Variants in CEP55 observed in about 807,000 individuals in gnomAD.
CEP55 encodes centrosomal protein 55.
A neutral mutation model predicts 63.2 loss-of-function variants in CEP55; 57 were observed. The ratio of observed to expected loss-of-function variants is 0.90; its 90% CI spans 0.73 to 1.13. CEP55 has a LOEUF of 1.13. CEP55 is among the 50% of genes most tolerant of loss of function. The pLI, the probability that CEP55 is intolerant of heterozygous loss-of-function variation, is 0.00. For synonymous variants in CEP55, 178 were observed against 191.6 expected, an observed-to-expected ratio of 0.93 and a Z score of 0.59; for missense variants, 456 against 518.9, an observed-to-expected ratio of 0.88 and a Z score of 1.18.
chr10:93,515,299 C>A, intron 4 of CEP55, 106 bp from the exon 5 acceptor site: 1 of 974,884 alleles, frequency 1.0e-6, no homozygotes, highest in Non-Finnish European at 1.5e-6. Flanking sequence ...AGTCTATGAG[C>A]CATAGAGTTT....
Position 93,517,201 on chromosome 10 carries a change from G to A in CEP55, c.946G>A (p.Gly316Arg). ...KLREENDIARGKLEEEKKRSE... is the reference protein window; with the variant it reads ...KLREENDIARRKLEEEKKRSE... ...CAGGGAAGAGAATGATATTGCTAGG[G>A]GAAAACTTGAAGAAGAGAAGAAGAG... The change falls in exon 6 of 9, where the codon GGA becomes AGA. Residue 316 changes from glycine to arginine, a missense_variant. Transcript: ENST00000371485. 1 of 1,609,728 alleles carries A rather than the reference G, an allele frequency of 6.2e-7. No individual in the cohort carries two copies. The highest frequency in any genetic ancestry group is 1.1e-5 in the South Asian group (1 of 89,994).
At position 93,528,410 on chromosome 10, in the gene CEP55, G is replaced by T. The variant is rs1433583089; in HGVS notation, c.*257G>T. 1 of 464,274 alleles carries T rather than the reference G, an allele frequency of 2.2e-6. No individual in the cohort carries two copies. Among genetic ancestry groups the T allele is most frequent in the African/African-American group, 2.0e-5 (1 of 50,222 alleles). The allele number at this position is 464,274 out of a possible 1,614,324, so 28.8% of individuals were successfully genotyped here. On this transcript the variant is annotated 3_prime_UTR_variant, in exon 9 of 9. Coordinates refer to ENST00000371485, the MANE Select transcript of CEP55 (RefSeq NM_018131.5). Reference sequence around the variant, plus strand: ...CGTCTACTGAGACTACTAACATTTTGCACTGTCAAAATACTTGGTGAGGAA... The same window carrying T: ...CGTCTACTGAGACTACTAACATTTTTCACTGTCAAAATACTTGGTGAGGAA...
chr10:93,527,050 T>G (rs2134506437), intron 8 of CEP55, among the ~76,000 whole-genome samples: 1 of 149,590 alleles, frequency 6.7e-6, no homozygotes, highest in East Asian at 2.0e-4. Context: ...ACCTGCACAT[T>G]GTGCACATGT....
At chr10:93,509,934 G>C (rs1052433376) in intron 4 of CEP55, among the ~76,000 whole-genome samples, 2 of 152,116 alleles carry the variant, frequency 1.3e-5, no homozygotes, top group African/African-American at 2.4e-5. Flanking sequence ...ACCGACACTG[G>C]CACATTATTT....
intron 8 of CEP55, among the ~76,000 whole-genome samples, chr10:93,523,423 A>G (rs2057884835): frequency 6.6e-6 from 1 of 152,208 alleles, no homozygotes; most frequent in African/African-American, 2.4e-5. Context: ...ATACAGGAGC[A>G]CCCAGATTCA....
At chr10:93,499,299 G>A (rs2057606258) in intron 1 of CEP55, among the ~76,000 whole-genome samples, 1 of 152,122 alleles carries the variant, frequency 6.6e-6, no homozygotes, top group African/African-American at 2.4e-5. Context: ...CCTATGTTAA[G>A]TAATGACATT....
At chr10:93,512,151 C>T (rs566621243) in intron 4 of CEP55, among the ~76,000 whole-genome samples, 41 of 146,292 alleles carry the variant, frequency 2.8e-4, no homozygotes, top group African/African-American at 9.9e-4. Context: ...TGCTGGAACC[C>T]GGGAGGCAGA....
Position 93,518,952 on chromosome 10 carries a change from C to T in CEP55, c.1065+4C>T, listed in dbSNP as rs769981213. On this transcript the variant is annotated splice_donor_region_variant and intron_variant, in intron 7 of 8. Transcript: ENST00000371485. ...GGTAGCTCTGTTGGAACAACAGGTA[C>T]TCATTCGGGTTGCTTCTAAATTCAA... 4 of 1,610,288 alleles carry T rather than the reference C, an allele frequency of 2.5e-6. No individual in the cohort carries two copies. In the South Asian group the frequency reaches 3.3e-5, roughly 13 times the overall value.
intron 8 of CEP55, among the ~76,000 whole-genome samples, chr10:93,523,066 A>G (rs1030162266): frequency 2.0e-5 from 3 of 152,242 alleles, no homozygotes; most frequent in Admixed American, 2.0e-4. Context: ...TCATAATGAC[A>G]GGGTCAAATT....
At chr10:93,518,394 C>A (rs867514933) in intron 6 of CEP55, among the ~76,000 whole-genome samples, 2 of 152,162 alleles carry the variant, frequency 1.3e-5, no homozygotes, top group African/African-American at 2.4e-5. Flanking sequence ...ATGTGATCCA[C>A]CTGCCTTGGC....
At chr10:93,523,032 A>G (rs995949768) in intron 8 of CEP55, among the ~76,000 whole-genome samples, 1 of 152,238 alleles carries the variant, frequency 6.6e-6, no homozygotes, top group African/African-American at 2.4e-5. Flanking sequence ...TGCATCAAGT[A>G]AAGAGCAAAA....
chr10:93,504,723 C>T (rs532527266), intron 3 of CEP55, among the ~76,000 whole-genome samples: 65 of 152,158 alleles, frequency 4.3e-4, no homozygotes, highest in Non-Finnish European at 8.8e-4. Context: ...AAGTAGCTGA[C>T]TAAAATTTTT....
At chr10:93,509,468 C>CATTATTATTATTATTATTATT (rs10606106) in intron 4 of CEP55, among the ~76,000 whole-genome samples, 37 of 147,238 alleles carry the variant, frequency 2.5e-4, no homozygotes, top group Non-Finnish European at 4.6e-4. Flanking sequence ...GAACCATTAA[C>CATTATTATTATTATTATTATT]ATTATTATTA....
intron 1 of CEP55, among the ~76,000 whole-genome samples, chr10:93,497,183 C>G (rs1167313162): frequency 6.6e-6 from 1 of 152,170 alleles, no homozygotes; most frequent in Non-Finnish European, 1.5e-5. Context: ...AGGCCTTGTA[C>G]CATTTACTGG....
chr10:93,519,656 A>G, intron 7 of CEP55, 26 bp from the exon 8 acceptor site: 7 of 1,612,804 alleles, frequency 4.3e-6, no homozygotes, highest in Non-Finnish European at 5.9e-6. Flanking sequence ...ATCAGCTGTA[A>G]TGGTCTTGTT....
At chr10:93,502,141 T>G (rs2057642108) in intron 2 of CEP55, among the ~76,000 whole-genome samples, 1 of 145,222 alleles carries the variant, frequency 6.9e-6, no homozygotes, top group South Asian at 2.3e-4. Context: ...TCTTGAATAG[T>G]TTTTAGTTTA....
chr10:93,520,979 C>T (rs549510189), intron 8 of CEP55, among the ~76,000 whole-genome samples: 13 of 152,166 alleles, frequency 8.5e-5, no homozygotes, highest in African/African-American at 2.6e-4. Context: ...TTTGTGGGGG[C>T]GGTTCCAAGA....
At chr10:93,501,088 T>C (rs1203781433) in intron 2 of CEP55, among the ~76,000 whole-genome samples, 1 of 152,204 alleles carries the variant, frequency 6.6e-6, no homozygotes, top group Non-Finnish European at 1.5e-5. Context: ...ATCAGATCTG[T>C]CCATTTCAGA....
At chr10:93,527,185 G>GA (rs922738141) in intron 8 of CEP55, among the ~76,000 whole-genome samples, 52 of 151,588 alleles carry the variant, frequency 3.4e-4, no homozygotes, top group African/African-American at 9.2e-4. Flanking sequence ...CAAGTTCTTA[G>GA]AAAAAAAACA....
Sources: gnomAD v4.1 joint callset for allele counts (sites outside exome capture counted in the v4.1 genomes callset) on GRCh38, gnomAD v4.1.1 for gene constraint, MANE v1.5 for transcripts, NCBI Gene and HGNC (gene_info 2026-07-23, HGNC 2026-07-21) for gene names.